Variants in NCAM2 observed in about 807,000 individuals in gnomAD.
NCAM2 encodes N-CAM-2.
NCAM2 carries 30 observed loss-of-function variants against 98.1 expected under a neutral mutation model. The ratio of observed to expected loss-of-function variants is 0.31; its 90% CI spans 0.23 to 0.41. NCAM2 has a LOEUF of 0.41. Ranked by LOEUF, NCAM2 falls within the 10% of genes least tolerant of loss-of-function variation. NCAM2 has a pLI of 1.00. For synonymous variants in NCAM2, 368 were observed against 342.4 expected (o/e 1.07, Z -0.83); for missense variants, 867 against 1,005.8 (o/e 0.86, Z 1.87).
intron 1 of NCAM2, among the ~76,000 whole-genome samples, chr21:21,143,222 T>C (rs1434787359): frequency 4.6e-5 from 7 of 152,226 alleles, no homozygotes; most frequent in African/African-American, 1.7e-4. Context: ...TTTTTTTCCA[T>C]TGGAAGATGT....
intron 1 of NCAM2, among the ~76,000 whole-genome samples, chr21:21,040,126 C>T (rs2064874487): frequency 6.6e-6 from 1 of 152,120 alleles, no homozygotes. Flanking sequence ...CTAACAGCTG[C>T]CAGCCATGAA....
At chr21:21,210,601 T>G in intron 1 of NCAM2, 1 of 1,288,916 alleles carries the variant, frequency 7.8e-7, no homozygotes, top group Non-Finnish European at 1.0e-6. Context: ...TTACCTTGAT[T>G]ATCACAACAG....
chr21:21,280,507 G>A, intron 1 of NCAM2, 71 bp from the exon 2 acceptor site: 1 of 1,040,126 alleles, frequency 9.6e-7, no homozygotes. Flanking sequence ...ATGTGGTTTA[G>A]ACATCATGCA....
chr21:20,998,427 C>T lies in NCAM2; in HGVS notation c.-137C>T. 1 of 696,102 alleles carries T rather than the reference C, an allele frequency of 1.4e-6. No individual in the cohort carries two copies. Among genetic ancestry groups the T allele is most frequent in the South Asian group, 2.1e-5 (1 of 46,978 alleles). 43.1% of individuals were successfully genotyped at this position (696,102 alleles called of 1,614,324 possible). On this transcript the variant is annotated 5_prime_UTR_variant, in exon 1 of 18. Transcript: ENST00000400546. ...TGCAGTCACTTTGCGAGGAGGAGCG[C>T]GCGGGCTGCGGGCGGCTGGGGCACC...
intron 9 of NCAM2, among the ~76,000 whole-genome samples, chr21:21,408,097 AT>A (rs1482608481): frequency 6.6e-6 from 1 of 152,242 alleles, no homozygotes; most frequent in Non-Finnish European, 1.5e-5. Context: ...AATGGACATC[AT>A]TTGGTGTAGA....
At chr21:21,279,134 T>C (rs1025530017) in intron 1 of NCAM2, among the ~76,000 whole-genome samples, 8 of 152,164 alleles carry the variant, frequency 5.3e-5, no homozygotes, top group African/African-American at 1.9e-4. Flanking sequence ...TGAGACTGCT[T>C]TTTAGTTTTT....
chr21:21,445,947 G>A (rs1980061611), intron 12 of NCAM2, among the ~76,000 whole-genome samples: 1 of 152,026 alleles, frequency 6.6e-6, no homozygotes, highest in Non-Finnish European at 1.5e-5. Context: ...TTATATTTTG[G>A]TGGTTTTTGC....
chr21:21,451,458 AC>A (rs1459541052), intron 12 of NCAM2, among the ~76,000 whole-genome samples: 1 of 152,182 alleles, frequency 6.6e-6, no homozygotes, highest in Non-Finnish European at 1.5e-5. Context: ...CATTCTACTT[AC>A]CAAGATTTTT....
chr21:21,154,196 G>A (rs1199981605), intron 1 of NCAM2, among the ~76,000 whole-genome samples: 1 of 151,558 alleles, frequency 6.6e-6, no homozygotes, highest in African/African-American at 2.4e-5. Context: ...TCCATATGGG[G>A]GATTACATAG....
intron 1 of NCAM2, among the ~76,000 whole-genome samples, chr21:21,066,581 A>C (rs560210788): frequency 1.8e-4 from 27 of 152,076 alleles, no homozygotes; most frequent in East Asian, 3.9e-4. Context: ...TGATGCCTCT[A>C]TGCGCAAGAA....
rs1568902638 is a variant in NCAM2 at position 21,298,592 on chromosome 21, TAGATAGATAGA to T, written c.619+6352_619+6362del. Among the ~76,000 whole-genome samples, 3 of 31,590 alleles carry T rather than the reference TAGATAGATAGA, an allele frequency of 9.5e-5. No homozygotes were observed. The South Asian group carries it at 5.0e-3, about 53-fold the overall frequency. The allele number at this position is 31,590 out of a possible 152,430, so 20.7% of individuals were successfully genotyped here. On this transcript the variant is annotated intron_variant, in intron 5 of 17. Coordinates refer to ENST00000400546, the MANE Select transcript of NCAM2 (RefSeq NM_004540.5). ...AAACTAGAGAAATGATAGATACAGATAGATAGATAGATAGATAGATAGATAGATAGATAGAT... is the reference window on the plus strand; with the variant it reads ...AAACTAGAGAAATGATAGATACAGATTAGATAGATAGATAGATAGATAGAT...
chr21:21,028,410 C>T (rs2064599089), intron 1 of NCAM2, among the ~76,000 whole-genome samples: 1 of 152,164 alleles, frequency 6.6e-6, no homozygotes, highest in Non-Finnish European at 1.5e-5. Context: ...TTTAATGAGG[C>T]CTGACCAGCT....
intron 1 of NCAM2, among the ~76,000 whole-genome samples, chr21:21,138,668 C>G (rs2067109241): frequency 6.6e-6 from 1 of 152,060 alleles, no homozygotes; most frequent in Admixed American, 6.5e-5. Context: ...TAACAGGTAA[C>G]TGATTTTAGC....
chr21:21,478,243 T>A (rs946479593), intron 15 of NCAM2, among the ~76,000 whole-genome samples: 2 of 152,156 alleles, frequency 1.3e-5, no homozygotes, highest in Non-Finnish European at 2.9e-5. Flanking sequence ...TTTCCCTCAG[T>A]TATTACTTTT....
intron 9 of NCAM2, among the ~76,000 whole-genome samples, chr21:21,397,097 A>G (rs984894711): frequency 6.6e-6 from 1 of 152,160 alleles, no homozygotes; most frequent in Non-Finnish European, 1.5e-5. Context: ...GGGTAGCTCT[A>G]TCCACTGGCA....
intron 1 of NCAM2, among the ~76,000 whole-genome samples, chr21:21,200,938 C>T (rs577533169): frequency 6.6e-6 from 1 of 151,982 alleles, no homozygotes; most frequent in South Asian, 2.1e-4. Flanking sequence ...TATAGATCTT[C>T]TCCAACATTA....
intron 6 of NCAM2, among the ~76,000 whole-genome samples, chr21:21,328,455 G>A (rs955118028): frequency 6.6e-6 from 1 of 152,010 alleles, no homozygotes; most frequent in Admixed American, 6.6e-5. Context: ...CCTAGGAGAT[G>A]CCAGCTCCAT....
intron 5 of NCAM2, among the ~76,000 whole-genome samples, chr21:21,317,617 C>T (rs2074257737): frequency 6.6e-6 from 1 of 152,034 alleles, no homozygotes; most frequent in Admixed American, 6.6e-5. Context: ...ACTACAACCT[C>T]GACTTCCCAG....
At chr21:21,039,395 A>C (rs749069413) in intron 1 of NCAM2, among the ~76,000 whole-genome samples, 1 of 152,182 alleles carries the variant, frequency 6.6e-6, no homozygotes, top group South Asian at 2.1e-4. Flanking sequence ...TTGGGTGACT[A>C]ATATTAACAT....
Sources: allele counts gnomAD v4.1 joint callset (sites outside exome capture counted in the v4.1 genomes callset), GRCh38; gene constraint gnomAD v4.1.1; transcripts MANE v1.5; gene names NCBI Gene and HGNC (gene_info 2026-07-23, HGNC 2026-07-21).